HERC1: variants seen among roughly 807,000 people sequenced by gnomAD.
HERC1 encodes probable E3 ubiquitin-protein ligase HERC1.
HERC1 carries 160 observed loss-of-function variants against 554.3 expected under a neutral mutation model. The observed-to-expected ratio is 0.29, with a 90% CI of 0.25 to 0.33. The LOEUF (loss-of-function observed/expected upper bound fraction) is 0.33. HERC1 is among the 10% of genes least tolerant of loss of function. HERC1 has a pLI of 1.00. For missense variants in HERC1, 4,919 were observed against 5,918.5 expected, an observed-to-expected ratio of 0.83 and a Z score of 5.54; for synonymous variants, 2,175 against 2,131.7, an observed-to-expected ratio of 1.02 and a Z score of -0.56.
chr15:63,638,569 C>A, intron 62 of HERC1, 33 bp from the exon 63 acceptor site: 6 of 1,613,508 alleles, frequency 3.7e-6, no homozygotes, highest in South Asian at 1.1e-5. Flanking sequence ...AAATTAGAGT[C>A]ATCCATTCAC....
At chr15:63,669,802 G>T in intron 39 of HERC1, 104 bp from the exon 40 acceptor site, 1 of 998,170 alleles carries the variant, frequency 1.0e-6, no homozygotes, top group Non-Finnish European at 1.5e-6. Context: ...GACTAAACAG[G>T]TTAGTTATAG....
rs2069172932 is a variant in HERC1, at chr15:63,643,521, C to A, written c.11214G>T (p.Lys3738Asn). ...QDGYRKSSGA[K>N]CVYQLRGHIT... ...TGTGTCCCCGCAGCTGATAAACACA[C>A]TTGGCTCCTGATGATTTCCTATATC... The change falls in exon 58 of 78, where the codon AAG becomes AAT. Residue 3738 changes from lysine (K) to asparagine (N), a missense_variant. By Grantham distance (94) the Lys-to-Asn change is moderately conservative (BLOSUM62 0). Transcript: ENST00000443617. 6.2e-7 allele frequency: 1 copy of A among 1,605,642 alleles called. No individual in the cohort carries two copies. Among genetic ancestry groups the A allele is most frequent in the African/African-American group, 1.3e-5 (1 of 74,756 alleles).
chr15:63,663,305 C>T, intron 43 of HERC1, 101 bp from the exon 44 acceptor site: 1 of 934,048 alleles, frequency 1.1e-6, no homozygotes, highest in South Asian at 1.6e-5. Flanking sequence ...GAACCTATCT[C>T]AGTTGTCTTA....
At position 63,666,368 on chromosome 15, in the gene HERC1, T is replaced by A; in HGVS notation, c.8311A>T (p.Met2771Leu). The A allele has an allele frequency of 6.2e-7, 1 of 1,611,466 alleles. No homozygotes were observed. Among genetic ancestry groups the A allele is most frequent in the Non-Finnish European group, 8.5e-7 (1 of 1,177,740 alleles). The change falls in exon 41 of 78, where the codon ATG becomes TTG. Residue 2771 changes from methionine (M) to leucine (L), a missense_variant. Transcript: ENST00000443617. ...AAACTTATCCTACCTGTAGCTTCCA[T>A]GGCTTTGGCAATCTGCCGAAGAGAG... ...GFSLRQIAKA[M>L]EATGARGEAD...
intron 57 of HERC1, 100 bp downstream of exon 57, chr15:63,644,892 G>T: frequency 1.2e-6 from 1 of 819,766 alleles, no homozygotes; most frequent in Non-Finnish European, 2.0e-6. Flanking sequence ...CTTGCCCTTT[G>T]GGATATAGTA....
chr15:63,676,478 C>T (rs1002276025), intron 37 of HERC1, among the ~76,000 whole-genome samples: 1 of 152,118 alleles, frequency 6.6e-6, no homozygotes, highest in Non-Finnish European at 1.5e-5. Context: ...TTGTTCCGGC[C>T]GAGCGTGGTG....
chr15:63,641,746 T>C, intron 59 of HERC1, 103 bp from the exon 60 acceptor site: 1 of 945,816 alleles, frequency 1.1e-6, no homozygotes, highest in Non-Finnish European at 1.5e-6. Context: ...GGGACATCTT[T>C]GCTTTTTGGA....
In HERC1 at chr15:63,644,913, T is replaced by A. The variant is rs1029335820; in HGVS notation, c.11184+79A>T. The A allele has an allele frequency of 3.6e-6, 4 of 1,103,848 alleles. No homozygotes were observed. The African/African-American group carries it at 6.2e-5, about 17-fold the overall frequency. 68.4% of individuals were successfully genotyped at this position (1,103,848 alleles called of 1,614,324 possible). A position where few individuals can be genotyped will look rare whatever the true frequency, so the allele number is the denominator to read the frequency against. On this transcript the variant is annotated intron_variant, in intron 57 of 77. Transcript: ENST00000443617. ...CTTTGGGATATAGTAATGACTTTTT[T>A]AGTAACCAAGGGAGAATGACTCTGA...
chr15:63,678,349 A>T lies in HERC1; in HGVS notation c.6566T>A (p.Met2189Lys). ...GTCTCGGGGTGTGCCACGCATCTGCATATCACAAATTTTCACCTATATAAA... is the reference window on the plus strand; with the variant it reads ...GTCTCGGGGTGTGCCACGCATCTGCTTATCACAAATTTTCACCTATATAAA... ...NPGEKVKICD[M>K]QMRGTPRDLL... The change falls in exon 37 of 78, where the codon ATG becomes AAG. Residue 2189 changes from methionine to lysine, a missense_variant. Coordinates refer to ENST00000443617, the MANE Select transcript of HERC1 (RefSeq NM_003922.4). 6.3e-7 allele frequency: 1 copy of T among 1,595,854 alleles called. No homozygotes were observed. The highest frequency in any genetic ancestry group is 8.5e-7 in the Non-Finnish European group (1 of 1,172,610).
At chr15:63,700,708 C>CAAAAAAA (rs11314964) in intron 25 of HERC1, among the ~76,000 whole-genome samples, 7,804 of 64,246 alleles carry the variant, frequency 0.12, 707 homozygotes, top group Non-Finnish European at 0.2. Flanking sequence ...GACCCTGCCT[C>CAAAAAAA]AAAAAAAAAA....
chr15:63,638,687 A>G (rs980176601), intron 62 of HERC1, 24 bp downstream of exon 62: 5 of 1,602,182 alleles, frequency 3.1e-6, no homozygotes, highest in African/African-American at 1.3e-5. Flanking sequence ...GAACCATCAT[A>G]CAGTTATCTT....
chr15:63,625,533 A>G (rs2152774481), intron 71 of HERC1, among the ~76,000 whole-genome samples: 1 of 152,074 alleles, frequency 6.6e-6, no homozygotes, highest in South Asian at 2.1e-4. Flanking sequence ...ATCTTTACTA[A>G]AAATACAAAA....
intron 21 of HERC1, 47 bp from the exon 22 acceptor site, chr15:63,716,520 T>C (rs1349278119): frequency 1.4e-6 from 2 of 1,462,880 alleles, no homozygotes; most frequent in Non-Finnish European, 1.8e-6. Flanking sequence ...TTTTCCAAAA[T>C]CTTTTTAAAA....
intron 2 of HERC1, among the ~76,000 whole-genome samples, chr15:63,765,636 C>A (rs924876413): frequency 6.6e-6 from 1 of 152,100 alleles, no homozygotes; most frequent in East Asian, 1.9e-4. Flanking sequence ...TTTCAACGAA[C>A]GGCCAATCAG....
Position 63,756,834 on chromosome 15 carries a change from A to G in HERC1, c.1222-86T>C. The G allele has an allele frequency of 1.2e-6, 1 of 828,108 alleles. No homozygotes were observed. The highest frequency in any genetic ancestry group is 1.9e-5 in the South Asian group (1 of 52,846). The allele number at this position is 828,108 out of a possible 1,614,324, so 51.3% of individuals were successfully genotyped here. On this transcript the variant is annotated intron_variant, in intron 4 of 77. Coordinates refer to ENST00000443617, the MANE Select transcript of HERC1 (RefSeq NM_003922.4). This position sits in a 1 kb window ranked among gnomAD's most constrained non-coding sequence, Gnocchi z 5.0. ...GGCTGGTTTTATCAAAGAGCCTCAA[A>G]GGAAGTCTTTTAGCAGGATACGGCA...
rs756296858 is a variant in HERC1 at position 63,665,913 on chromosome 15, T to C, written c.8555+6A>G. 3.7e-6 allele frequency: 6 copies of C among 1,603,854 alleles called. No homozygotes were observed. The African/African-American group carries it at 5.4e-5, about 14-fold the overall frequency. On this transcript the variant is annotated splice_donor_region_variant and intron_variant, in intron 42 of 77. Coordinates refer to ENST00000443617, the MANE Select transcript of HERC1 (RefSeq NM_003922.4). Reference sequence around the variant, plus strand: ...TGGAACAAAAGTACAGAAACTGGAATTTCACCTTTCACTAAAACCTTCCTC... The same window carrying C: ...TGGAACAAAAGTACAGAAACTGGAACTTCACCTTTCACTAAAACCTTCCTC...
chr15:63,726,227 C>T (rs185134008), intron 17 of HERC1, among the ~76,000 whole-genome samples: 5 of 152,278 alleles, frequency 3.3e-5, no homozygotes, highest in Non-Finnish European at 5.9e-5. Flanking sequence ...GGTGATCCGG[C>T]GGCCTCAGCC....
In HERC1 at chr15:63,612,450, G is replaced by C; in HGVS notation, c.14201C>G (p.Ser4734Cys). Residue 4734 changes from serine (S) to cysteine (C), a missense_variant, in exon 77 of 78, where the codon TCT becomes TGT. Around this residue, in one of 11 missense-constraint regions of HERC1, gnomAD observed 284 missense variants for 294.1 expected, o/e 0.97. Coordinates refer to ENST00000443617, the MANE Select transcript of HERC1 (RefSeq NM_003922.4). The surrounding 1 kb of genome is among the most constrained non-coding windows in gnomAD (Gnocchi z 5.0). ...EQMVCGMPEI[S>C]VEVLKKVVRY... ...CACCACTTTCTTCAAGACTTCCACA[G>C]AGATCTCGGGCATCCCACACACCAT... 1.9e-6 allele frequency: 3 copies of C among 1,614,022 alleles called. No individual in the cohort carries two copies. The highest frequency in any genetic ancestry group is 2.5e-6 in the Non-Finnish European group (3 of 1,179,900).
chr15:63,634,223 G>A (rs899737813), intron 66 of HERC1, among the ~76,000 whole-genome samples: 1 of 152,192 alleles, frequency 6.6e-6, no homozygotes, highest in Non-Finnish European at 1.5e-5. Flanking sequence ...CAGTATGAAA[G>A]ATAGAGGAAA....
Sources: gnomAD v4.1 joint callset for allele counts (sites outside exome capture counted in the v4.1 genomes callset) on GRCh38, gnomAD v4.1.1 for gene constraint, gnomAD v4.1.1 regional missense constraint, Gnocchi (gnomAD v3.1) non-coding constraint, MANE v1.5 for transcripts, NCBI Gene and HGNC (gene_info 2026-07-23, HGNC 2026-07-21) for gene names.